Variants in NFATC2 observed in about 807,000 individuals in gnomAD.
NFATC2 encodes nuclear factor of activated T-cells, cytoplasmic 2.
NFATC2 carries 22 observed loss-of-function variants against 87.3 expected under a neutral mutation model. The ratio of observed to expected loss-of-function variants is 0.25; its 90% CI spans 0.18 to 0.36. The LOEUF (loss-of-function observed/expected upper bound fraction) is 0.36, where lower values mean the gene tolerates loss of function less well. Ranked by LOEUF, NFATC2 falls within the 10% of genes least tolerant of loss-of-function variation. The probability of loss-of-function intolerance (pLI) is 1.00; values close to 1 mark genes in which losing one functional copy is unlikely to be tolerated. For missense variants in NFATC2, 1,149 were observed against 1,259.1 expected (o/e 0.91, Z 1.32); for synonymous variants, 565 against 542.2 (o/e 1.04, Z -0.58).
intron 3 of NFATC2, among the ~76,000 whole-genome samples, chr20:51,488,110 A>G (rs1392128508): frequency 9.2e-5 from 14 of 151,460 alleles, no homozygotes; most frequent in Admixed American, 6.6e-5. Flanking sequence ...AGCCAGTCTG[A>G]CTCACCTCTT....
chr20:51,404,025 C>T lies in NFATC2; in HGVS notation c.2723-5295G>A, dbSNP rs114182911. On this transcript the variant is annotated intron_variant, in intron 9 of 10. Transcript: ENST00000371564. Reference sequence around the variant, plus strand: ...TAGGTCCAGCATCCCATGGCTGGTCCGTGGCAGGGGTTGAACAAGGAGCAG... The same window carrying T: ...TAGGTCCAGCATCCCATGGCTGGTCTGTGGCAGGGGTTGAACAAGGAGCAG... Among the ~76,000 whole-genome samples the T allele has an allele frequency of 3.9e-3, 596 of 152,308 alleles. 4 individuals are homozygous for T. The highest frequency in any genetic ancestry group is 0.014 in the African/African-American group (571 of 41,578).
chr20:51,480,296 T>TAAA lies in NFATC2; in HGVS notation c.1333-4637_1333-4636insTTT, dbSNP rs1228720042. Among the ~76,000 whole-genome samples, 18 of 150,654 alleles carry TAAA rather than the reference T, an allele frequency of 1.2e-4. No individual in the cohort carries two copies. Among genetic ancestry groups the TAAA allele is most frequent in the East Asian group, 3.9e-4 (2 of 5,124 alleles). ...AAGCAAGACTCTGTCTCAAAAAAAA[T>TAAA]AGAATGTGCTTCCTGCCGCACAGGA... On this transcript the variant is annotated intron_variant, in intron 3 of 10. Coordinates refer to ENST00000371564, the MANE Select transcript of NFATC2 (RefSeq NM_012340.5). This position sits in a 1 kb window ranked among gnomAD's most constrained non-coding sequence, Gnocchi z 4.2.
intron 5 of NFATC2, among the ~76,000 whole-genome samples, chr20:51,469,476 A>G (rs1025978352): frequency 6.6e-6 from 1 of 152,106 alleles, no homozygotes; most frequent in Non-Finnish European, 1.5e-5. Context: ...AAGCCAACAA[A>G]TGCAGTTGAG....
At chr20:51,419,400 G>A (rs946853754) in intron 9 of NFATC2, among the ~76,000 whole-genome samples, 29 of 152,260 alleles carry the variant, frequency 1.9e-4, no homozygotes, top group East Asian at 9.7e-4. Flanking sequence ...TCTGGGTTAC[G>A]CCCTTAAAGG....
At position 51,432,315 on chromosome 20, in the gene NFATC2, T is replaced by C; in HGVS notation, c.2474A>G (p.His825Arg). 1 of 1,614,174 alleles carries C rather than the reference T, an allele frequency of 6.2e-7. No individual in the cohort carries two copies. ...GTACATGATGTGCTGGAACTCCTGG[T>C]GGCTTCCGCAGCGCAGCTGCTGGTT... The part of the protein sequence containing the change: ...PTNQQLRCGS[H>R]QEFQHIMYCE... Residue 825 changes from histidine to arginine, a missense_variant, in exon 9 of 11, where the codon CAC becomes CGC. Around this residue, in one of 3 missense-constraint regions of NFATC2, gnomAD observed 581 missense variants for 649.7 expected, o/e 0.89. Transcript: ENST00000371564. This position sits in a 1 kb window ranked among gnomAD's most constrained non-coding sequence, Gnocchi z 4.6.
chr20:51,459,588 T>G (rs550963945), intron 5 of NFATC2, among the ~76,000 whole-genome samples: 2 of 152,262 alleles, frequency 1.3e-5, no homozygotes, highest in East Asian at 3.9e-4. Context: ...GCAAAAATGA[T>G]AAAGTTTGGC....
rs1985992546 is a variant in NFATC2, at chr20:51,388,440, T to TGAGC, written c.*3055_*3056insGCTC. On this transcript the variant is annotated 3_prime_UTR_variant, in exon 11 of 11. Transcript: ENST00000371564. ...ACTAACAGGCTCTGAGTGGGGGTTT[T>TGAGC]ATTATATGGGTTTTTGTTTCCTGGA... 6.6e-6 allele frequency: 1 copy of TGAGC among 152,092 alleles called. No homozygotes were observed. The highest frequency in any genetic ancestry group is 6.6e-5 in the Admixed American group (1 of 15,264). 9.4% of individuals were successfully genotyped at this position (152,092 alleles called of 1,614,324 possible). A position where few individuals can be genotyped will look rare whatever the true frequency, so the allele number is the denominator to read the frequency against.
In NFATC2 at chr20:51,398,660, C is replaced by A; in HGVS notation, c.*27G>T. ...TCGATTACCTTTAACTTTGATTTCT[C>A]GGATCAAAGATCACAGTCATTCTGT... is the stretch of plus-strand genomic sequence containing the variant. On this transcript the variant is annotated 3_prime_UTR_variant, in exon 10 of 11. Transcript: ENST00000371564. The A allele has an allele frequency of 1.2e-6, 2 of 1,607,500 alleles. No homozygotes were observed. Among genetic ancestry groups the A allele is most frequent in the South Asian group, 2.2e-5 (2 of 90,214 alleles).
intron 9 of NFATC2, among the ~76,000 whole-genome samples, chr20:51,410,197 G>A (rs981386988): frequency 6.7e-4 from 75 of 112,186 alleles, no homozygotes; most frequent in Non-Finnish European, 8.7e-4. Context: ...GCGACAGAGC[G>A]AGACTCTGTC....
chr20:51,416,891 G>A (rs761154923), intron 9 of NFATC2, among the ~76,000 whole-genome samples: 1 of 152,178 alleles, frequency 6.6e-6, no homozygotes, highest in African/African-American at 2.4e-5. Flanking sequence ...ATTCACTTTA[G>A]CGCTGGTTGA....
chr20:51,448,290 G>A (rs1051891869), intron 6 of NFATC2, among the ~76,000 whole-genome samples: 1 of 152,244 alleles, frequency 6.6e-6, no homozygotes, highest in African/African-American at 2.4e-5. Flanking sequence ...GGACCCCGTG[G>A]AGGAAGTGAC....
At chr20:51,542,738 G>A, upstream of NFATC2, 1 of 842,360 alleles carries the variant, frequency 1.2e-6, no homozygotes, top group Non-Finnish European at 1.4e-6. Flanking sequence ...ACCTGTTGCA[G>A]CCCGGGGAGG....
At chr20:51,556,913 C>T (rs1407026142) in intron 1 of NFATC2, among the ~76,000 whole-genome samples, 2 of 152,088 alleles carry the variant, frequency 1.3e-5, no homozygotes, top group Admixed American at 1.3e-4. Context: ...GGAGTCATTG[C>T]GTGGTGCAGA....
intron 3 of NFATC2, among the ~76,000 whole-genome samples, chr20:51,515,514 A>T (rs1305672512): frequency 6.6e-6 from 1 of 152,208 alleles, no homozygotes; most frequent in Non-Finnish European, 1.5e-5. Flanking sequence ...CCACCTGATG[A>T]AGCACGAAAG....
intron 9 of NFATC2, among the ~76,000 whole-genome samples, chr20:51,420,663 C>G (rs895113088): frequency 1.4e-4 from 22 of 152,190 alleles, no homozygotes; most frequent in African/African-American, 5.1e-4. Context: ...AAGGCATCTG[C>G]TTGCAACGCT....
intron 6 of NFATC2, among the ~76,000 whole-genome samples, chr20:51,446,902 G>A (rs1429010495): frequency 6.6e-6 from 1 of 152,130 alleles, no homozygotes; most frequent in African/African-American, 2.4e-5. Context: ...GCCCTGTCTG[G>A]AGTCTGACAT....
chr20:51,468,323 AT>A (rs1274590795), intron 5 of NFATC2, among the ~76,000 whole-genome samples: 2 of 123,714 alleles, frequency 1.6e-5, no homozygotes. Flanking sequence ...CTCCATAAAA[AT>A]ATATATATAT....
intron 9 of NFATC2, among the ~76,000 whole-genome samples, chr20:51,401,872 C>G (rs1403070046): frequency 1.3e-5 from 2 of 151,914 alleles, no homozygotes; most frequent in African/African-American, 4.8e-5. Context: ...ATAGCCATTA[C>G]AGACAAAAGT....
intron 9 of NFATC2, among the ~76,000 whole-genome samples, chr20:51,419,712 G>C (rs1396650453): frequency 6.6e-6 from 1 of 152,098 alleles, no homozygotes; most frequent in Non-Finnish European, 1.5e-5. Context: ...TAACTGCTTT[G>C]GAATCACGCT....
Sources: gnomAD v4.1 joint callset for allele counts (sites outside exome capture counted in the v4.1 genomes callset) on GRCh38, gnomAD v4.1.1 for gene constraint, gnomAD v4.1.1 regional missense constraint, Gnocchi (gnomAD v3.1) non-coding constraint, MANE v1.5 for transcripts, NCBI Gene and HGNC (gene_info 2026-07-23, HGNC 2026-07-21) for gene names.